Variants in TAFA4 observed in about 807,000 individuals in gnomAD.
TAFA4 encodes the protein chemokine-like protein TAFA-4.
In TAFA4, 20 loss-of-function variants were observed where a neutral mutation model predicts 21.1. The observed-to-expected ratio is 0.95, with a 90% CI of 0.67 to 1.38. The LOEUF (loss-of-function observed/expected upper bound fraction) is 1.38, where lower values mean the gene tolerates loss of function less well. Among genes scored for constraint, TAFA4 ranks in the 40% most tolerant of loss-of-function variants. The pLI, the probability that TAFA4 is intolerant of heterozygous loss-of-function variation, is 0.00. For synonymous variants in TAFA4, 71 were observed against 67.4 expected (o/e 1.05, Z -0.26); for missense variants, 211 against 180.9 (o/e 1.17, Z -0.95).
chr3:68,790,344 T>C (rs1280412741), intron 3 of TAFA4, among the ~76,000 whole-genome samples: 1 of 150,892 alleles, frequency 6.6e-6, no homozygotes, highest in East Asian at 1.9e-4. Context: ...ATTATTCAAA[T>C]AAAAGAAAGC....
At chr3:68,808,856 G>C (rs1559527940) in intron 3 of TAFA4, among the ~76,000 whole-genome samples, 1 of 152,114 alleles carries the variant, frequency 6.6e-6, no homozygotes, top group Admixed American at 6.6e-5. Context: ...CATGTTTCTG[G>C]CTCCATGTCA....
intron 3 of TAFA4, among the ~76,000 whole-genome samples, chr3:68,866,678 A>G (rs1392597785): frequency 8.1e-6 from 1 of 123,748 alleles, no homozygotes; most frequent in Non-Finnish European, 1.7e-5. Flanking sequence ...AAAAAAAAAA[A>G]CTCTGCAAAC....
chr3:68,838,821 G>A (rs114596509), intron 3 of TAFA4, among the ~76,000 whole-genome samples: 3,008 of 152,292 alleles, frequency 0.02, 100 homozygotes, highest in African/African-American at 0.064. Context: ...TGCCTGCCAG[G>A]CGCAGTGGCT....
intron 4 of TAFA4, among the ~76,000 whole-genome samples, chr3:68,749,955 A>G (rs1462126666): frequency 1.3e-5 from 2 of 152,236 alleles, no homozygotes; most frequent in East Asian, 1.9e-4. Flanking sequence ...GGTTATGTCC[A>G]TAAATATATA....
intron 3 of TAFA4, among the ~76,000 whole-genome samples, chr3:68,793,015 T>C (rs971557322): frequency 1.3e-5 from 2 of 152,216 alleles, no homozygotes; most frequent in East Asian, 1.9e-4. Flanking sequence ...AGGAGTTATG[T>C]TGTCTCTTAA....
At chr3:68,846,691 G>A (rs957855772) in intron 3 of TAFA4, among the ~76,000 whole-genome samples, 4 of 152,110 alleles carry the variant, frequency 2.6e-5, no homozygotes, top group African/African-American at 9.7e-5. Context: ...CATGACCTTT[G>A]GATGGGCTTT....
intron 3 of TAFA4, among the ~76,000 whole-genome samples, chr3:68,858,606 G>GTA (rs1705126256): frequency 6.7e-6 from 1 of 150,360 alleles, no homozygotes; most frequent in Admixed American, 6.6e-5. Context: ...GTGTGTGTGT[G>GTA]TGTGTCTTTA....
At chr3:68,739,661 G>C (rs1464429349) in intron 4 of TAFA4, among the ~76,000 whole-genome samples, 2 of 152,114 alleles carry the variant, frequency 1.3e-5, no homozygotes, top group South Asian at 2.1e-4. Flanking sequence ...AGAAAATGTG[G>C]TATAGATATG....
intron 3 of TAFA4, among the ~76,000 whole-genome samples, chr3:68,865,515 C>T (rs186637686): frequency 1.2e-3 from 180 of 152,228 alleles, no homozygotes; most frequent in Non-Finnish European, 2.3e-3. Flanking sequence ...CTTTTGCCTG[C>T]CACCATGTAA....
intron 3 of TAFA4, among the ~76,000 whole-genome samples, chr3:68,784,955 T>G (rs568301163): frequency 4.6e-5 from 7 of 152,158 alleles, no homozygotes; most frequent in Non-Finnish European, 1.0e-4. Flanking sequence ...TCACAAACCC[T>G]GAGCTAGACA....
intron 1 of TAFA4, among the ~76,000 whole-genome samples, chr3:68,894,323 T>G (rs2089762377): frequency 6.6e-6 from 1 of 152,104 alleles, no homozygotes; most frequent in African/African-American, 2.4e-5. Context: ...CATGCCTGGC[T>G]CATTTTTTGT....
chr3:68,909,199 G>T (rs1284210761), intron 1 of TAFA4, among the ~76,000 whole-genome samples: 2 of 152,114 alleles, frequency 1.3e-5, no homozygotes, highest in Non-Finnish European at 2.9e-5. Flanking sequence ...AAGGGATTTG[G>T]GGACAAAATG....
chr3:68,734,770 G>T (rs1446602444), intron 5 of TAFA4, among the ~76,000 whole-genome samples: 1 of 152,054 alleles, frequency 6.6e-6, no homozygotes, highest in African/African-American at 2.4e-5. Context: ...TATGTGACTT[G>T]AATGACACAG....
intron 1 of TAFA4, among the ~76,000 whole-genome samples, chr3:68,903,546 G>A (rs951659996): frequency 3.3e-5 from 5 of 152,188 alleles, no homozygotes; most frequent in African/African-American, 1.2e-4. Flanking sequence ...AATGAATACA[G>A]AAGCACACAT....
intron 3 of TAFA4, among the ~76,000 whole-genome samples, chr3:68,773,708 CATT>C (rs1291369651): frequency 2.6e-5 from 4 of 152,098 alleles, no homozygotes; most frequent in Non-Finnish European, 4.4e-5. Context: ...GAACCAGACA[CATT>C]ATTTATTATG....
chr3:68,923,002 T>A (rs1164930546), intron 1 of TAFA4, among the ~76,000 whole-genome samples: 2 of 152,208 alleles, frequency 1.3e-5, no homozygotes, highest in African/African-American at 4.8e-5. Context: ...CCATTGCCAT[T>A]TTCCTTTAAA....
chr3:68,841,254 C>T (rs888063669), intron 3 of TAFA4, among the ~76,000 whole-genome samples: 2 of 73,902 alleles, frequency 2.7e-5, no homozygotes, highest in African/African-American at 8.9e-5. Flanking sequence ...ACCCGGGAGG[C>T]GGAGCTTGCA....
At chr3:68,749,001 T>C (rs555831400) in intron 4 of TAFA4, among the ~76,000 whole-genome samples, 2 of 152,310 alleles carry the variant, frequency 1.3e-5, no homozygotes, top group South Asian at 2.1e-4. Flanking sequence ...AACAGACCTG[T>C]ATATGCCAGC....
chr3:68,774,666 T>C (rs1703018829), intron 3 of TAFA4, among the ~76,000 whole-genome samples: 1 of 152,198 alleles, frequency 6.6e-6, no homozygotes. Flanking sequence ...TAAAATGCTA[T>C]ATATCAAAAT....
Sources: gnomAD v4.1 joint callset for allele counts (sites outside exome capture counted in the v4.1 genomes callset) on GRCh38, gnomAD v4.1.1 for gene constraint, MANE v1.5 for transcripts, NCBI Gene and HGNC (gene_info 2026-07-23, HGNC 2026-07-21) for gene names.